Variants in RNASET2 observed in about 807,000 individuals in gnomAD.
RNASET2 encodes ribonuclease 6.
In RNASET2, 28 loss-of-function variants were observed where a neutral mutation model predicts 33.9. The ratio of observed to expected loss-of-function variants is 0.83; its 90% confidence interval spans 0.61 to 1.13. The LOEUF is 1.13. Ranked by LOEUF, RNASET2 falls within the 50% of genes most tolerant of loss-of-function variation. The probability of loss-of-function intolerance (pLI) is 0.00; values close to 1 mark genes in which losing one functional copy is unlikely to be tolerated. For synonymous variants in RNASET2, 123 were observed against 121.0 expected (o/e 1.02, Z -0.11); for missense variants, 330 against 319.9 (o/e 1.03, Z -0.24).
chr6:166,941,451 CAT>C (rs1490049595), intron 5 of RNASET2, among the ~76,000 whole-genome samples: 1 of 152,216 alleles, frequency 6.6e-6, no homozygotes, highest in Non-Finnish European at 1.5e-5. Context: ...TGTGAAGTGA[CAT>C]ATAATTTTTT....
At chr6:166,951,727 A>C (rs1778989464) in intron 2 of RNASET2, among the ~76,000 whole-genome samples, 1 of 152,272 alleles carries the variant, frequency 6.6e-6, no homozygotes, top group African/African-American at 2.4e-5. Flanking sequence ...ATGATTAATA[A>C]TATTCATATA....
Position 166,933,830 on chromosome 6 carries a change from GCCGGAC to G in RNASET2, c.492+255_492+260del. 1 of 554,396 alleles carries G rather than the reference GCCGGAC, an allele frequency of 1.8e-6. No individual in the cohort carries two copies. Among genetic ancestry groups the G allele is most frequent in the Non-Finnish European group, 3.2e-6 (1 of 311,054 alleles). The allele number at this position is 554,396 out of a possible 1,614,324, so 34.3% of individuals were successfully genotyped here. A position where few individuals can be genotyped will look rare whatever the true frequency, so the allele number is the denominator to read the frequency against. ...TGAAACTGCAGATTCCACCTGCTCT[GCCGGAC>G]CCTGGAGCACACACTTCTCACAAAG... On this transcript the variant is annotated intron_variant, in intron 7 of 8. Transcript: ENST00000508775. This position sits in a 1 kb window ranked among gnomAD's most constrained non-coding sequence, Gnocchi z 4.1.
chr6:166,934,210 T>C (rs768949865), intron 6 of RNASET2, 74 bp from the exon 7 acceptor site: 17 of 961,260 alleles, frequency 1.8e-5, no homozygotes, highest in Non-Finnish European at 2.8e-5. Flanking sequence ...TCAGGTATCA[T>C]ATTTCATGGT....
chr6:166,954,262 A>G (rs1429917110), intron 1 of RNASET2, among the ~76,000 whole-genome samples: 1 of 152,252 alleles, frequency 6.6e-6, no homozygotes, highest in East Asian at 1.9e-4. Context: ...CGTGGTCTGA[A>G]TCAACCATGT....
intron 5 of RNASET2, 71 bp downstream of exon 5, chr6:166,942,948 C>G: frequency 2.4e-6 from 3 of 1,262,020 alleles, no homozygotes; most frequent in South Asian, 2.5e-5. Flanking sequence ...GTTTCCACTT[C>G]TAGCGATTCA....
chr6:166,945,318 T>G (rs932297955), intron 4 of RNASET2: 2 of 156,664 alleles, frequency 1.3e-5, no homozygotes, highest in African/African-American at 2.4e-5. Context: ...CAAGGGCACT[T>G]CAAACTCAAT....
Position 166,924,385 on chromosome 6 carries a change from C to T in RNASET2, c.*5203G>A, listed in dbSNP as rs896104492. On this transcript the variant is annotated 3_prime_UTR_variant, in exon 9 of 9. Coordinates refer to ENST00000508775, the MANE Select transcript of RNASET2 (RefSeq NM_003730.6). ...AAGTGCTGGTATTACAGGCATGAGCCACCACGCCCGGCCTCTCTTTTCTAT... is the reference window on the plus strand; with the variant it reads ...AAGTGCTGGTATTACAGGCATGAGCTACCACGCCCGGCCTCTCTTTTCTAT... 3.9e-5 allele frequency among the ~76,000 whole-genome samples: 6 copies of T among 152,184 alleles called. No homozygotes were observed. Among genetic ancestry groups the T allele is most frequent in the African/African-American group, 1.4e-4 (6 of 41,442 alleles).
chr6:166,933,416 G>A lies in RNASET2; in HGVS notation c.492+675C>T, dbSNP rs1778493997. 6.6e-6 allele frequency: 1 copy of A among 152,054 alleles called. No individual in the cohort carries two copies. The allele number at this position is 152,054 out of a possible 1,614,324, so 9.4% of individuals were successfully genotyped here. Reference sequence around the variant, plus strand: ...GCTGTCGCCCAGACTGGAGTGCAGTGGGGCGACCATGGCTCACTGCAGCCT... The same window carrying A: ...GCTGTCGCCCAGACTGGAGTGCAGTAGGGCGACCATGGCTCACTGCAGCCT... On this transcript the variant is annotated intron_variant, in intron 7 of 8. Transcript: ENST00000508775. This position sits in a 1 kb window ranked among gnomAD's most constrained non-coding sequence, Gnocchi z 4.1.
At position 166,925,125 on chromosome 6, in the gene RNASET2, T is replaced by TGCCGCCCAGCCCTCACTC. The variant is rs1448790108; in HGVS notation, c.*4462_*4463insGAGTGAGGGCTGGGCGGC. On this transcript the variant is annotated 3_prime_UTR_variant, in exon 9 of 9. Coordinates refer to ENST00000508775, the MANE Select transcript of RNASET2 (RefSeq NM_003730.6). The stretch of plus-strand genomic sequence containing the variant: ...AAACCGGAACAGCACAGCCCTCACC[T>TGCCGCCCAGCCCTCACTC]CTGCTGCCCAGGCCTCATCTACGCC... 6.7e-5 allele frequency among the ~76,000 whole-genome samples: 10 copies of TGCCGCCCAGCCCTCACTC among 149,314 alleles called. No homozygotes were observed. The highest frequency in any genetic ancestry group is 2.5e-4 in the African/African-American group (10 of 39,736).
At position 166,922,372 on chromosome 6, in the gene RNASET2, A is replaced by G. The variant is rs1382001416; in HGVS notation, c.*7216T>C. The stretch of plus-strand genomic sequence containing the variant: ...TCTCATCATCAGCAAGTTGCATCCC[A>G]CTGACCATCCCCCGGCTCCCCATCA... On this transcript the variant is annotated 3_prime_UTR_variant, in exon 9 of 9. Coordinates refer to ENST00000508775, the MANE Select transcript of RNASET2 (RefSeq NM_003730.6). Among the ~76,000 whole-genome samples, 1 of 151,866 alleles carries G rather than the reference A, an allele frequency of 6.6e-6. No individual in the cohort carries two copies. The highest frequency in any genetic ancestry group is 1.5e-5 in the Non-Finnish European group (1 of 67,982).
At position 166,924,692 on chromosome 6, in the gene RNASET2, G is replaced by A. The variant is rs950168484; in HGVS notation, c.*4896C>T. Among the ~76,000 whole-genome samples the A allele has an allele frequency of 1.3e-4, 20 of 152,200 alleles. No homozygotes were observed. Among genetic ancestry groups the A allele is most frequent in the African/African-American group, 1.4e-4 (6 of 41,526 alleles). ...AGCTATGCTCCTCTTTTCCCTTGCC[G>A]TCTGTTGCCCTGCACTTTGGGAGGC... On this transcript the variant is annotated 3_prime_UTR_variant, in exon 9 of 9. Coordinates refer to ENST00000508775, the MANE Select transcript of RNASET2 (RefSeq NM_003730.6).
intron 8 of RNASET2, among the ~76,000 whole-genome samples, chr6:166,930,298 TCACA>T (rs967750203): frequency 3.4e-5 from 5 of 145,996 alleles, no homozygotes; most frequent in African/African-American, 1.3e-4. Flanking sequence ...CAGCACATGC[TCACA>T]CAGACACACA....
In RNASET2 at chr6:166,925,526, G is replaced by GCCTCCCCCGTCCAGCCCTCA. The variant is rs1778292344; in HGVS notation, c.*4042_*4061dup. The stretch of plus-strand genomic sequence containing the variant: ...CCCTCACCTCCCCGGTCCAGCCCTT[G>GCCTCCCCCGTCCAGCCCTCA]CCTCCCCCGTCCAGCCCTCACCTCC... On this transcript the variant is annotated 3_prime_UTR_variant, in exon 9 of 9. Transcript: ENST00000508775. Among the ~76,000 whole-genome samples, 1 of 149,538 alleles carries GCCTCCCCCGTCCAGCCCTCA rather than the reference G, an allele frequency of 6.7e-6. No individual in the cohort carries two copies. Among genetic ancestry groups the GCCTCCCCCGTCCAGCCCTCA allele is most frequent in the Non-Finnish European group, 1.5e-5 (1 of 67,210 alleles).
chr6:166,950,028 C>A (rs1287032558), intron 2 of RNASET2, among the ~76,000 whole-genome samples: 1 of 152,130 alleles, frequency 6.6e-6, no homozygotes, highest in East Asian at 1.9e-4. Flanking sequence ...TTTTTTAAAT[C>A]TTGTTTCTAA....
chr6:166,953,879 C>CAAAAAAAAAAAAAAAAAAAAAAAA (rs548523987), intron 1 of RNASET2, among the ~76,000 whole-genome samples: 6 of 110,734 alleles, frequency 5.4e-5, no homozygotes, highest in South Asian at 2.9e-4. Context: ...GACCCTGTCT[C>CAAAAAAAAAAAAAAAAAAAAAAAA]AAAAAAAAAA....
intron 5 of RNASET2, among the ~76,000 whole-genome samples, chr6:166,942,105 T>A (rs1001550903): frequency 7.3e-6 from 1 of 136,064 alleles, no homozygotes; most frequent in Admixed American, 8.5e-5. Flanking sequence ...CGGGCTGGAG[T>A]ACAGTGGTGC....
chr6:166,956,147 G>T lies in RNASET2; in HGVS notation c.36C>A (p.Gly12=), dbSNP rs1331775631. Residue 12 remains glycine (G), a synonymous_variant, in exon 1 of 9, where the codon GGC becomes GGA. Transcript: ENST00000508775. ...RPAALRGALL[G]CLCLALLCLG... ...GGCAAAGCAACGCCAGGCAGAGGCA[G>T]CCCAGCAGGGCCCCGCGCAGGGCTG... is the stretch of plus-strand genomic sequence containing the variant. 2.6e-6 allele frequency: 4 copies of T among 1,550,796 alleles called. No individual in the cohort carries two copies. The highest frequency in any genetic ancestry group is 3.5e-6 in the Non-Finnish European group (4 of 1,146,832).
intron 1 of RNASET2, chr6:166,953,285 G>C (rs1779031977): frequency 6.6e-6 from 1 of 152,506 alleles, no homozygotes; most frequent in South Asian, 2.1e-4. Context: ...AGCCACTGTG[G>C]AGCGGCAGCT....
intron 1 of RNASET2, among the ~76,000 whole-genome samples, chr6:166,955,221 G>GCACA (rs1160982253): frequency 2.1e-5 from 2 of 93,996 alleles, no homozygotes; most frequent in African/African-American, 9.7e-5. Flanking sequence ...ACGCACACAC[G>GCACA]CGCACACACG....
Sources: allele counts gnomAD v4.1 joint callset (sites outside exome capture counted in the v4.1 genomes callset), GRCh38; gene constraint gnomAD v4.1.1; non-coding constraint Gnocchi (gnomAD v3.1); transcripts MANE v1.5; gene names NCBI Gene and HGNC (gene_info 2026-07-23, HGNC 2026-07-21).